EBF3: variants seen among roughly 807,000 people sequenced by gnomAD.
EBF3 encodes the protein EBF transcription factor 3, also known as transcription factor COE3.
In EBF3, 18 loss-of-function variants were observed where a neutral mutation model predicts 77.1. The ratio of observed to expected loss-of-function variants is 0.23; its 90% CI spans 0.16 to 0.35. EBF3 has a LOEUF of 0.35. EBF3 is among the 10% of genes least tolerant of loss of function. EBF3 has a pLI of 1.00. For synonymous variants in EBF3, 350 were observed against 343.5 expected (o/e 1.02, Z -0.21); for missense variants, 558 against 860.0 (o/e 0.65, Z 4.39).
intron 7 of EBF3, among the ~76,000 whole-genome samples, chr10:129,877,420 G>A (rs1852861910): frequency 7.2e-6 from 1 of 138,748 alleles, no homozygotes; most frequent in African/African-American, 2.6e-5. Flanking sequence ...GGCGGAGGTT[G>A]TAGTGAGCCA....
At chr10:129,868,745 G>A (rs986495293) in intron 8 of EBF3, among the ~76,000 whole-genome samples, 2 of 152,232 alleles carry the variant, frequency 1.3e-5, no homozygotes, top group Non-Finnish European at 2.9e-5. Context: ...GGCCAGGGCC[G>A]GGGCTGAGGG....
At chr10:129,881,760 C>T (rs1028196177) in intron 6 of EBF3, among the ~76,000 whole-genome samples, 3 of 152,060 alleles carry the variant, frequency 2.0e-5, no homozygotes, top group African/African-American at 4.8e-5. Context: ...GGCCCTGTGC[C>T]GGGGAGGACA....
intron 11 of EBF3, among the ~76,000 whole-genome samples, chr10:129,846,590 T>A (rs1850482993): frequency 6.6e-6 from 1 of 151,954 alleles, no homozygotes; most frequent in Admixed American, 6.6e-5. Context: ...CCAATTGCTG[T>A]TTTACTTAGG....
intron 6 of EBF3, among the ~76,000 whole-genome samples, chr10:129,927,521 A>G (rs1342167453): frequency 6.6e-6 from 1 of 152,146 alleles, no homozygotes; most frequent in Non-Finnish European, 1.5e-5. Context: ...AGACTCCAAC[A>G]GCGCCTGCAG....
At chr10:129,959,047 C>T (rs371951642) in intron 4 of EBF3, 40 bp from the exon 5 acceptor site, 32 of 1,595,758 alleles carry the variant, frequency 2.0e-5, no homozygotes, top group African/African-American at 4.2e-5. Flanking sequence ...TACGCGGCGC[C>T]CGCGGCTTTG....
chr10:129,915,497 CAAAA>C (rs869168004), intron 6 of EBF3, among the ~76,000 whole-genome samples: 1 of 83,698 alleles, frequency 1.2e-5, no homozygotes, highest in South Asian at 3.8e-4. Context: ...CACACACACA[CAAAA>C]AAGCCAAGAC....
rs181575178 is a variant in EBF3 at position 129,921,364 on chromosome 10, A to C, written c.554+35894T>G. On this transcript the variant is annotated intron_variant, in intron 6 of 16. Coordinates refer to ENST00000440978, the MANE Select transcript of EBF3 (RefSeq NM_001375380.1). ...AACCCTCCCCGCATTGGTCACAACC[A>C]AAAAGGCCTCTGGATGTTGTCAGAT... 1.1e-3 allele frequency among the ~76,000 whole-genome samples: 163 copies of C among 152,224 alleles called. 3 individuals carry two copies. The East Asian group carries it at 0.026, about 24-fold the overall frequency.
chr10:129,932,870 A>G (rs1193125519), intron 6 of EBF3, among the ~76,000 whole-genome samples: 2 of 150,564 alleles, frequency 1.3e-5, no homozygotes, highest in African/African-American at 4.9e-5. Flanking sequence ...CAAGGCAAAC[A>G]AACTTCAACC....
At chr10:129,931,556 T>A (rs1297742149) in intron 6 of EBF3, among the ~76,000 whole-genome samples, 1 of 152,262 alleles carries the variant, frequency 6.6e-6, no homozygotes, top group African/African-American at 2.4e-5. Context: ...GACTTCCCTG[T>A]CTGGGGCCGC....
At chr10:129,874,668 G>A (rs145747583) in intron 7 of EBF3, among the ~76,000 whole-genome samples, 6 of 152,284 alleles carry the variant, frequency 3.9e-5, no homozygotes, top group African/African-American at 1.4e-4. Flanking sequence ...GGGCACACTC[G>A]GCCATGTCTT....
intron 10 of EBF3, among the ~76,000 whole-genome samples, chr10:129,856,096 G>T (rs1263050592): frequency 6.6e-6 from 1 of 152,182 alleles, no homozygotes; most frequent in Non-Finnish European, 1.5e-5. Flanking sequence ...CTCCCCATAG[G>T]AGGAAGGCCA....
chr10:129,838,895 G>A (rs112607884), intron 16 of EBF3, among the ~76,000 whole-genome samples, 188 bp downstream of exon 16: 3 of 152,318 alleles, frequency 2.0e-5, no homozygotes, highest in African/African-American at 7.2e-5. Context: ...CGTAGGAGGT[G>A]CCGTCTTTCA....
rs1481182129 is a variant in EBF3, at chr10:129,863,951, T to C, written c.1039+3190A>G. 6.6e-6 allele frequency among the ~76,000 whole-genome samples: 1 copy of C among 152,114 alleles called. No homozygotes were observed. Among genetic ancestry groups the C allele is most frequent in the East Asian group, 1.9e-4 (1 of 5,166 alleles). ...GCAAGCATCACCAAACACCCACTCA[T>C]GGGAGCATGTCTCGATGGAGGAAAT... On this transcript the variant is annotated intron_variant, in intron 10 of 16. Coordinates refer to ENST00000440978, the MANE Select transcript of EBF3 (RefSeq NM_001375380.1). This position sits in a 1 kb window ranked among gnomAD's most constrained non-coding sequence, Gnocchi z 4.0.
chr10:129,935,053 T>C lies in EBF3; in HGVS notation c.554+22205A>G, dbSNP rs1359511794. ...ATGTTTAAGATAAGTACATCCCAAA[T>C]ATCTCATGGGATGTACTCATCCTAA... On this transcript the variant is annotated intron_variant, in intron 6 of 16. Transcript: ENST00000440978. The surrounding 1 kb of genome is among the most constrained non-coding windows in gnomAD (Gnocchi z 4.2). 6.6e-6 allele frequency among the ~76,000 whole-genome samples: 1 copy of C among 152,146 alleles called. No homozygotes were observed. The highest frequency in any genetic ancestry group is 1.5e-5 in the Non-Finnish European group (1 of 68,018).
At chr10:129,855,448 C>T (rs750254721) in intron 10 of EBF3, among the ~76,000 whole-genome samples, 2 of 152,190 alleles carry the variant, frequency 1.3e-5, no homozygotes, top group African/African-American at 2.4e-5. Flanking sequence ...CTTTTATAGT[C>T]GTGTGGAAAC....
chr10:129,942,718 G>A (rs979887460), intron 6 of EBF3, among the ~76,000 whole-genome samples: 2 of 152,190 alleles, frequency 1.3e-5, no homozygotes, highest in African/African-American at 4.8e-5. Flanking sequence ...GTCTGCCAGC[G>A]TGGTGACTGC....
rs1217060115 is a variant in EBF3, at chr10:129,964,195, A to AGGCGGGGCGC, written c.-437_-428dup. ...AGTGCTGCGGCGCAGTCCCGGGCGC[A>AGGCGGGGCGC]GGCGGGGCGCGGCGGGGCCTGGAGC... On this transcript the variant is annotated 5_prime_UTR_variant, in exon 1 of 17. Transcript: ENST00000440978. This position sits in a 1 kb window ranked among gnomAD's most constrained non-coding sequence, Gnocchi z 4.5. 5.1e-6 allele frequency: 5 copies of AGGCGGGGCGC among 984,800 alleles called. No homozygotes were observed. Among genetic ancestry groups the AGGCGGGGCGC allele is most frequent in the South Asian group, 4.7e-5 (1 of 21,284 alleles). The allele number at this position is 984,800 out of a possible 1,614,324, so 61.0% of individuals were successfully genotyped here. A position where few individuals can be genotyped will look rare whatever the true frequency, so the allele number is the denominator to read the frequency against.
rs1851815464 is a variant in EBF3 at position 129,863,943 on chromosome 10, C to T, written c.1039+3198G>A. On this transcript the variant is annotated intron_variant, in intron 10 of 16. Coordinates refer to ENST00000440978, the MANE Select transcript of EBF3 (RefSeq NM_001375380.1). This position sits in a 1 kb window ranked among gnomAD's most constrained non-coding sequence, Gnocchi z 4.0. ...GGGCTGTGGCAAGCATCACCAAACA[C>T]CCACTCATGGGAGCATGTCTCGATG... Among the ~76,000 whole-genome samples, 1 of 152,112 alleles carries T rather than the reference C, an allele frequency of 6.6e-6. No individual in the cohort carries two copies. Among genetic ancestry groups the T allele is most frequent in the African/African-American group, 2.4e-5 (1 of 41,432 alleles).
intron 11 of EBF3, among the ~76,000 whole-genome samples, chr10:129,846,502 C>CTCTG (rs1850476054): frequency 6.6e-6 from 1 of 151,650 alleles, no homozygotes. Context: ...ATTCTTTTTT[C>CTCTG]TCTGTCTCTC....
Sources: gnomAD v4.1 joint callset for allele counts (sites outside exome capture counted in the v4.1 genomes callset) on GRCh38, gnomAD v4.1.1 for gene constraint, Gnocchi (gnomAD v3.1) non-coding constraint, MANE v1.5 for transcripts, NCBI Gene and HGNC (gene_info 2026-07-23, HGNC 2026-07-21) for gene names.